The following CDH13 variants were observed in gnomAD, a reference collection of about 807,000 sequenced individuals.
The protein encoded by CDH13 is cadherin 13, also known as cadherin-13.
In CDH13, 24 loss-of-function variants were observed where a neutral mutation model predicts 63.8. The ratio of observed to expected loss-of-function variants is 0.38; its 90% CI spans 0.27 to 0.53. The LOEUF (loss-of-function observed/expected upper bound fraction) is 0.53, where lower values mean the gene tolerates loss of function less well. CDH13 is among the 20% of genes least tolerant of loss of function. The probability of loss-of-function intolerance (pLI) is 0.85; values close to 1 mark genes in which losing one functional copy is unlikely to be tolerated. For synonymous variants in CDH13, 503 were observed against 355.3 expected, an observed-to-expected ratio of 1.42 and a Z score of -4.67; for missense variants, 1,049 against 903.1, an observed-to-expected ratio of 1.16 and a Z score of -2.07.
intron 5 of CDH13, among the ~76,000 whole-genome samples, chr16:83,308,069 T>G (rs568758360): frequency 6.6e-6 from 1 of 152,212 alleles, no homozygotes; most frequent in South Asian, 2.1e-4. Context: ...TTGTAAAAGC[T>G]CTAAAATATG....
intron 2 of CDH13, among the ~76,000 whole-genome samples, chr16:83,029,201 C>G (rs1205796501): frequency 6.6e-6 from 1 of 152,202 alleles, no homozygotes; most frequent in African/African-American, 2.4e-5. Context: ...TAAGTATCAT[C>G]TTCCCAGAGT....
chr16:83,479,628 G>A (rs2073705965), intron 6 of CDH13, among the ~76,000 whole-genome samples: 1 of 149,638 alleles, frequency 6.7e-6, no homozygotes, highest in Non-Finnish European at 1.5e-5. Flanking sequence ...CTGCACTCCA[G>A]CCTGGTGGAC....
intron 1 of CDH13, among the ~76,000 whole-genome samples, chr16:82,795,073 C>T (rs2036516773): frequency 6.6e-6 from 1 of 152,172 alleles, no homozygotes. Context: ...TGTTTGCTTC[C>T]CATACTCATC....
At chr16:82,658,726 C>T (rs766592205) in intron 1 of CDH13, among the ~76,000 whole-genome samples, 39 of 152,262 alleles carry the variant, frequency 2.6e-4, no homozygotes, top group African/African-American at 8.7e-4. Flanking sequence ...GATGGTTTGC[C>T]GTGACCTCTC....
At chr16:83,246,374 T>C (rs570616536) in intron 5 of CDH13, among the ~76,000 whole-genome samples, 1 of 152,258 alleles carries the variant, frequency 6.6e-6, no homozygotes, top group East Asian at 1.9e-4. Flanking sequence ...CTCCTTCCAT[T>C]TGCATTTGCA....
At chr16:82,792,584 A>G (rs1163608436) in intron 1 of CDH13, among the ~76,000 whole-genome samples, 2 of 152,146 alleles carry the variant, frequency 1.3e-5, no homozygotes, top group Non-Finnish European at 2.9e-5. Flanking sequence ...CCCCCTAGAT[A>G]GAAGGCAAGT....
chr16:83,308,487 C>G (rs904369881), intron 5 of CDH13, among the ~76,000 whole-genome samples: 2 of 152,236 alleles, frequency 1.3e-5, no homozygotes, highest in African/African-American at 4.8e-5. Context: ...TACATTTACT[C>G]TCCACACAAA....
At chr16:83,648,830 G>C (rs915837022) in intron 8 of CDH13, among the ~76,000 whole-genome samples, 5 of 149,252 alleles carry the variant, frequency 3.4e-5, no homozygotes, top group African/African-American at 1.2e-4. Context: ...TCTTTCCCTC[G>C]CTGTTTCTTT....
intron 5 of CDH13, among the ~76,000 whole-genome samples, chr16:83,246,126 G>T (rs760573552): frequency 1.4e-4 from 21 of 152,128 alleles, no homozygotes; most frequent in Non-Finnish European, 2.5e-4. Flanking sequence ...TTAGAATAGG[G>T]TTTTATTAAT....
intron 4 of CDH13, among the ~76,000 whole-genome samples, chr16:83,216,928 A>C (rs1300734329): frequency 6.6e-6 from 1 of 152,130 alleles, no homozygotes; most frequent in Non-Finnish European, 1.5e-5. Flanking sequence ...ATTAGTGGAT[A>C]TATGTAAATA....
At chr16:83,373,703 A>G (rs1173661313) in intron 6 of CDH13, among the ~76,000 whole-genome samples, 2 of 152,244 alleles carry the variant, frequency 1.3e-5, no homozygotes, top group African/African-American at 4.8e-5. Flanking sequence ...CTTTGAAACC[A>G]GACTTCTTGG....
intron 7 of CDH13, among the ~76,000 whole-genome samples, chr16:83,535,113 C>T (rs1350555818): frequency 1.3e-5 from 2 of 152,318 alleles, no homozygotes; most frequent in East Asian, 1.9e-4. Flanking sequence ...GCCATATACA[C>T]TGTGGCCTGA....
chr16:82,823,523 A>T (rs1300598225), intron 1 of CDH13: 1 of 152,238 alleles, frequency 6.6e-6, no homozygotes, highest in East Asian at 1.9e-4. Flanking sequence ...TGTACTCAAG[A>T]TGCTGGCATA....
At chr16:83,395,424 T>C (rs1187737404) in intron 6 of CDH13, among the ~76,000 whole-genome samples, 1 of 152,134 alleles carries the variant, frequency 6.6e-6, no homozygotes, top group Non-Finnish European at 1.5e-5. Context: ...TCCTGTCATT[T>C]CCATCAGTGA....
intron 4 of CDH13, among the ~76,000 whole-genome samples, chr16:83,191,506 C>CATATATATATAT (rs2038708199): frequency 1.6e-5 from 1 of 62,118 alleles, no homozygotes; most frequent in African/African-American, 5.0e-5. Flanking sequence ...TATATATATA[C>CATATATATATAT]ACACACACAC....
In CDH13 at chr16:83,252,138, G is replaced by GTGTA. The variant is rs374599365; in HGVS notation, c.636+34642_636+34643insGTAT. On this transcript the variant is annotated intron_variant, in intron 5 of 13. Coordinates refer to ENST00000567109, the MANE Select transcript of CDH13 (RefSeq NM_001257.5). ...CACACACACACACACACATATATAT[G>GTGTA]TATATATATATATATCTTTAAGTTA... is the stretch of plus-strand genomic sequence containing the variant. Among the ~76,000 whole-genome samples the GTGTA allele has an allele frequency of 3.9e-3, 473 of 121,028 alleles. 2 individuals are homozygous for GTGTA. The highest frequency in any genetic ancestry group is 0.026 in the East Asian group (107 of 4,166). 79.4% of individuals were successfully genotyped at this position (121,028 alleles called of 152,430 possible).
chr16:82,878,774 T>C (rs1393052610), intron 2 of CDH13, among the ~76,000 whole-genome samples: 4 of 151,860 alleles, frequency 2.6e-5, no homozygotes, highest in African/African-American at 9.7e-5. Context: ...TCTTTTCCAT[T>C]TCAAAGCACC....
At chr16:83,142,297 A>G (rs1360176299) in intron 4 of CDH13, among the ~76,000 whole-genome samples, 1 of 151,818 alleles carries the variant, frequency 6.6e-6, no homozygotes, top group Non-Finnish European at 1.5e-5. Context: ...AGTGGCTGGA[A>G]CTACAGGTGT....
chr16:83,738,305 A>T (rs981913462), intron 10 of CDH13, among the ~76,000 whole-genome samples: 1 of 152,238 alleles, frequency 6.6e-6, no homozygotes, highest in African/African-American at 2.4e-5. Flanking sequence ...ATTCCAAATG[A>T]GCGAGTGAAC....
Sources: allele counts gnomAD v4.1 joint callset (sites outside exome capture counted in the v4.1 genomes callset), GRCh38; gene constraint gnomAD v4.1.1; transcripts MANE v1.5; gene names NCBI Gene and HGNC (gene_info 2026-07-23, HGNC 2026-07-21).